Variants in ADAM12 observed in about 807,000 individuals in gnomAD.
The protein encoded by ADAM12 is ADAM metallopeptidase domain 12.
ADAM12 carries 70 observed loss-of-function variants against 106.4 expected under a neutral mutation model. The ratio of observed to expected loss-of-function variants is 0.66; its 90% CI spans 0.54 to 0.80. The LOEUF (loss-of-function observed/expected upper bound fraction) is 0.80. Among genes scored for constraint, ADAM12 ranks in the 30% least tolerant of loss-of-function variants. The pLI is 0.00. For synonymous variants in ADAM12, 420 were observed against 433.5 expected, an observed-to-expected ratio of 0.97 and a Z score of 0.39; for missense variants, 1,010 against 1,171.9, an observed-to-expected ratio of 0.86 and a Z score of 2.02.
At chr10:126,201,947 A>G (rs1156766452) in intron 3 of ADAM12, among the ~76,000 whole-genome samples, 1 of 152,168 alleles carries the variant, frequency 6.6e-6, no homozygotes, top group Non-Finnish European at 1.5e-5. Flanking sequence ...CGTTCACATA[A>G]AGAACGTCCA....
intron 20 of ADAM12, 113 bp downstream of exon 20, chr10:126,038,127 CT>C: frequency 9.8e-7 from 1 of 1,017,434 alleles, no homozygotes; most frequent in African/African-American, 1.6e-5. Flanking sequence ...CCTAGTGAGG[CT>C]GACTCAGCAT....
chr10:126,320,072 T>G (rs1386479287), intron 2 of ADAM12, among the ~76,000 whole-genome samples: 1 of 152,164 alleles, frequency 6.6e-6, no homozygotes, highest in African/African-American at 2.4e-5. Context: ...ATTACAAAGG[T>G]TTTTACCCTC....
intron 3 of ADAM12, among the ~76,000 whole-genome samples, chr10:126,170,291 C>T (rs552002152): frequency 1.3e-5 from 2 of 152,248 alleles, no homozygotes; most frequent in African/African-American, 2.4e-5. Context: ...GAGACAGACA[C>T]CAGCAGGGAT....
intron 16 of ADAM12, among the ~76,000 whole-genome samples, chr10:126,048,783 C>T (rs1178884766): frequency 3.3e-5 from 5 of 151,766 alleles, no homozygotes. Flanking sequence ...ATCTTTCTCC[C>T]TGTTCTCTGA....
Position 126,019,635 on chromosome 10 carries a change from C to T in ADAM12, c.2660+60G>A, listed in dbSNP as rs777134947. 5.8e-4 allele frequency: 923 copies of T among 1,581,934 alleles called. 2 individuals carry two copies. Among genetic ancestry groups the T allele is most frequent in the East Asian group, 1.7e-3 (77 of 44,398 alleles). ...CACCCCTGTCCTGGCTTGGATTAGT[C>T]GTGGTTGGTCCCACAAGAGTTTGAG... On this transcript the variant is annotated intron_variant, in intron 22 of 22. Transcript: ENST00000448723.
intron 3 of ADAM12, among the ~76,000 whole-genome samples, chr10:126,251,899 A>C (rs1264944055): frequency 1.0e-5 from 1 of 98,252 alleles, no homozygotes; most frequent in African/African-American, 4.3e-5. Flanking sequence ...GATGGATGGG[A>C]TGGATAGGAT....
intron 4 of ADAM12, among the ~76,000 whole-genome samples, chr10:126,144,996 C>T (rs1590495364): frequency 6.6e-6 from 1 of 152,190 alleles, no homozygotes; most frequent in Non-Finnish European, 1.5e-5. Flanking sequence ...TATCTTACAG[C>T]CTGCCCTTTC....
intron 3 of ADAM12, among the ~76,000 whole-genome samples, chr10:126,159,424 C>G (rs1956895294): frequency 6.7e-6 from 1 of 150,122 alleles, no homozygotes; most frequent in Non-Finnish European, 1.5e-5. Context: ...ATATTATTTA[C>G]TATGTACTTG....
intron 3 of ADAM12, among the ~76,000 whole-genome samples, chr10:126,156,672 T>C (rs1218966678): frequency 6.6e-6 from 1 of 152,202 alleles, no homozygotes; most frequent in Non-Finnish European, 1.5e-5. Context: ...GGTGCGTGGA[T>C]GTGCTTTGGG....
At chr10:126,090,278 A>G (rs1955437909) in intron 11 of ADAM12, among the ~76,000 whole-genome samples, 1 of 146,814 alleles carries the variant, frequency 6.8e-6, no homozygotes, top group South Asian at 2.2e-4. Context: ...AGATGGCCCT[A>G]TTCCTCCAAC....
chr10:126,336,596 C>T (rs1228155844), intron 1 of ADAM12, among the ~76,000 whole-genome samples: 1 of 152,140 alleles, frequency 6.6e-6, no homozygotes, highest in Non-Finnish European at 1.5e-5. Flanking sequence ...CTCTAGAAAA[C>T]ACAGAAACGG....
chr10:126,029,100 T>A (rs1273637430), intron 21 of ADAM12, among the ~76,000 whole-genome samples: 1 of 152,092 alleles, frequency 6.6e-6, no homozygotes. Flanking sequence ...AGTTAACAGA[T>A]GCTAGAAAGG....
At chr10:126,166,015 C>T (rs1957017610) in intron 3 of ADAM12, among the ~76,000 whole-genome samples, 1 of 152,154 alleles carries the variant, frequency 6.6e-6, no homozygotes, top group Non-Finnish European at 1.5e-5. Context: ...CTTCCTTTGC[C>T]CAGCTCTTTC....
chr10:126,143,164 A>G (rs1256941619), intron 4 of ADAM12, among the ~76,000 whole-genome samples: 1 of 148,690 alleles, frequency 6.7e-6, no homozygotes, highest in African/African-American at 2.5e-5. Context: ...GCACGTGTAT[A>G]TATATGTATG....
chr10:126,106,187 G>C (rs1347963699), intron 8 of ADAM12, among the ~76,000 whole-genome samples: 1 of 152,106 alleles, frequency 6.6e-6, no homozygotes, highest in South Asian at 2.1e-4. Flanking sequence ...CACAGTAGGG[G>C]GAGTAGAGTC....
chr10:126,057,528 C>A (rs950971312), intron 14 of ADAM12, among the ~76,000 whole-genome samples: 2 of 152,086 alleles, frequency 1.3e-5, no homozygotes, highest in African/African-American at 4.8e-5. Flanking sequence ...TTCAAATGAA[C>A]CAAACTTCTA....
chr10:126,182,252 T>G (rs990900335), intron 3 of ADAM12, among the ~76,000 whole-genome samples: 3 of 152,194 alleles, frequency 2.0e-5, no homozygotes, highest in Non-Finnish European at 4.4e-5. Context: ...AGTCTGATGT[T>G]GAGGGCCAGA....
In ADAM12 at chr10:126,042,235, T is replaced by G. The variant is rs539283232; in HGVS notation, c.2104+805A>C. On this transcript the variant is annotated intron_variant, in intron 18 of 22. Coordinates refer to ENST00000448723, the MANE Select transcript of ADAM12 (RefSeq NM_001288973.2). ...GGACTCTGCAGCTTCCTGCCTTGCT[T>G]CTTTCCCTCGAAAAGAGGCATCATT... 36 of 1,613,202 alleles carry G rather than the reference T, an allele frequency of 2.2e-5. No homozygotes were observed. The South Asian group carries it at 3.0e-4, about 13-fold the overall frequency.
intron 11 of ADAM12, among the ~76,000 whole-genome samples, chr10:126,092,751 G>A (rs116282257): frequency 0.011 from 1,720 of 152,244 alleles, 33 homozygotes; most frequent in African/African-American, 0.039. Context: ...CCCAAATGGG[G>A]GCGATGAACA....
Sources: gnomAD v4.1 joint callset for allele counts (sites outside exome capture counted in the v4.1 genomes callset) on GRCh38, gnomAD v4.1.1 for gene constraint, MANE v1.5 for transcripts, NCBI Gene and HGNC (gene_info 2026-07-23, HGNC 2026-07-21) for gene names.